MSI1: variants seen among roughly 807,000 people sequenced by gnomAD.
The protein encoded by MSI1 is musashi RNA binding protein 1.
A neutral mutation model predicts 54.4 loss-of-function variants in MSI1; 15 were observed. That is an observed-to-expected ratio of 0.28 (90% CI 0.18 to 0.42). MSI1 has a LOEUF of 0.42. Ranked by LOEUF, MSI1 falls within the 20% of genes least tolerant of loss-of-function variation. The pLI is 1.00. For synonymous variants in MSI1, 200 were observed against 196.5 expected (o/e 1.02, Z -0.15); for missense variants, 304 against 506.0 (o/e 0.60, Z 3.83).
At chr12:120,363,482 A>AC (rs1021073578) in intron 5 of MSI1, among the ~76,000 whole-genome samples, 18 of 151,268 alleles carry the variant, frequency 1.2e-4, no homozygotes, top group African/African-American at 1.7e-4. Context: ...CTCCTGGGAG[A>AC]CCCCCCAAGG....
At chr12:120,348,114 T>C (rs1358831635) in intron 11 of MSI1, among the ~76,000 whole-genome samples, 1 of 133,616 alleles carries the variant, frequency 7.5e-6, no homozygotes, top group Non-Finnish European at 1.6e-5. Context: ...CCTAAGGGCC[T>C]CCCTGACCAC....
At chr12:120,355,703 G>A (rs1270637739) in intron 9 of MSI1, among the ~76,000 whole-genome samples, 2 of 152,176 alleles carry the variant, frequency 1.3e-5, no homozygotes, top group African/African-American at 4.8e-5. Context: ...TGATAACAGG[G>A]TATATGGATG....
chr12:120,347,481 G>A lies in MSI1; in HGVS notation c.824C>T (p.Ala275Val), dbSNP rs775588129. Residue 275 changes from alanine to valine, a missense_variant, in exon 12 of 15, where the codon GCG becomes GTG. Around this residue, in one of 4 missense-constraint regions of MSI1, gnomAD observed 147 missense variants for 231.5 expected, o/e 0.64. Coordinates refer to ENST00000257552, the MANE Select transcript of MSI1 (RefSeq NM_002442.4). ...AACCACAGCCGCTGCCGCCGCTGCCGCCGCCATTGGTCCGTAGGCAGTGAG... is the reference window on the plus strand; with the variant it reads ...AACCACAGCCGCTGCCGCCGCTGCCACCGCCATTGGTCCGTAGGCAGTGAG... ...IPLTAYGPMA[A>V]AAAAAAVVRG... is the part of the protein sequence containing the mutation. The A allele has an allele frequency of 1.8e-5, 29 of 1,613,988 alleles. No individual in the cohort carries two copies. The highest frequency in any genetic ancestry group is 4.4e-5 in the South Asian group (4 of 91,092).
chr12:120,354,402 G>A (rs1326340755), intron 9 of MSI1, among the ~76,000 whole-genome samples: 2 of 151,464 alleles, frequency 1.3e-5, no homozygotes, highest in Non-Finnish European at 2.9e-5. Flanking sequence ...CTTAACCACC[G>A]ATCTCACTAT....
Position 120,368,822 on chromosome 12 carries a change from G to A in MSI1, c.100+11C>T. The A allele has an allele frequency of 7.0e-7, 1 of 1,422,360 alleles. No individual in the cohort carries two copies. 88.1% of individuals were successfully genotyped at this position (1,422,360 alleles called of 1,614,324 possible). ...CCTGCCGGACCGGCGGGCGCTCCCG[G>A]GCTCGCTCACCCTGCGTAGTCTGCC... On this transcript the variant is annotated intron_variant, in intron 2 of 14. Transcript: ENST00000257552. This position sits in a 1 kb window ranked among gnomAD's most constrained non-coding sequence, Gnocchi z 6.6.
At position 120,368,286 on chromosome 12, in the gene MSI1, A is replaced by AC. The variant is rs1215756932; in HGVS notation, c.101-14dup. Reference sequence around the variant, plus strand: ...TCGCGCAGCCCTTCTGTAACCACACACCCGCCTTCGGACCAGCCCGGGCCC... The same window carrying AC: ...TCGCGCAGCCCTTCTGTAACCACACACCCCGCCTTCGGACCAGCCCGGGCCC... On this transcript the variant is annotated splice_polypyrimidine_tract_variant and intron_variant, in intron 2 of 14. Transcript: ENST00000257552. The surrounding 1 kb of genome is among the most constrained non-coding windows in gnomAD (Gnocchi z 6.6). 5.8e-6 allele frequency: 9 copies of AC among 1,550,312 alleles called. No individual in the cohort carries two copies. Among genetic ancestry groups the AC allele is most frequent in the Non-Finnish European group, 7.8e-6 (9 of 1,147,476 alleles).
At chr12:120,339,786 T>C (rs976911576), downstream of MSI1, among the ~76,000 whole-genome samples, 1 of 141,158 alleles carries the variant, frequency 7.1e-6, no homozygotes, top group African/African-American at 2.7e-5. Context: ...AAAGTAATTC[T>C]TTTTTTTTTT....
intron 4 of MSI1, among the ~76,000 whole-genome samples, chr12:120,365,820 G>A (rs1461135300): frequency 1.3e-5 from 2 of 152,184 alleles, no homozygotes; most frequent in Admixed American, 1.3e-4. Context: ...TAATGCACTC[G>A]AACTCTGTGA....
intron 7 of MSI1, among the ~76,000 whole-genome samples, chr12:120,358,562 A>C (rs1253347321): frequency 1.3e-5 from 2 of 152,210 alleles, no homozygotes; most frequent in East Asian, 3.8e-4. Flanking sequence ...AAAAACAGCC[A>C]GGTGGCGCAC....
At chr12:120,351,794 C>T (rs537942699) in intron 10 of MSI1, among the ~76,000 whole-genome samples, 7 of 150,470 alleles carry the variant, frequency 4.7e-5, no homozygotes, top group East Asian at 2.0e-4. Context: ...CTGCAAGCTC[C>T]GCCTTCCGGG....
chr12:120,349,254 C>T (rs1198922917), intron 11 of MSI1, among the ~76,000 whole-genome samples: 1 of 151,984 alleles, frequency 6.6e-6, no homozygotes, highest in Non-Finnish European at 1.5e-5. Context: ...CACCATCATG[C>T]CTGGCTAATT....
chr12:120,347,071 T>G (rs1214582526), intron 12 of MSI1, among the ~76,000 whole-genome samples: 1 of 152,124 alleles, frequency 6.6e-6, no homozygotes, highest in Non-Finnish European at 1.5e-5. Flanking sequence ...TGCCTTGGCC[T>G]CCCGAGTAGC....
intron 6 of MSI1, among the ~76,000 whole-genome samples, chr12:120,360,351 G>T (rs1386109420): frequency 6.6e-6 from 1 of 152,168 alleles, no homozygotes; most frequent in Non-Finnish European, 1.5e-5. Flanking sequence ...TGATCCTCCA[G>T]CTCTCCTTAG....
At chr12:120,349,451 C>T (rs1159779913) in intron 11 of MSI1, among the ~76,000 whole-genome samples, 1 of 152,116 alleles carries the variant, frequency 6.6e-6, no homozygotes, top group Non-Finnish European at 1.5e-5. Context: ...CCAAGCTGGT[C>T]TTGAACTCCT....
rs1425654002 is a variant in MSI1, at chr12:120,346,210, G to A, written c.972C>T (p.Asn324=). 1.3e-6 allele frequency: 2 copies of A among 1,599,974 alleles called. No individual in the cohort carries two copies. The highest frequency in any genetic ancestry group is 2.3e-5 in the South Asian group (2 of 88,398). The change falls in exon 13 of 15, where the codon AAC becomes AAT. Residue 324 remains asparagine (N), a synonymous_variant. Transcript: ENST00000257552. ...TGTAACTGCTGACCCCCGAGTCCTG[G>A]TTGGCCGCCCCGTAGAGCTCGGCCA... The part of the protein sequence containing the change: ...GPMAELYGAA[N]QDSGVSSYIS...
rs1876134576 is a variant in MSI1, at chr12:120,368,148, G to A, written c.182+44C>T. 3 of 1,582,718 alleles carry A rather than the reference G, an allele frequency of 1.9e-6. No homozygotes were observed. The highest frequency in any genetic ancestry group is 2.6e-6 in the Non-Finnish European group (3 of 1,164,340). ...GTTACAAGGCAGTGAGTGGCGGGTGGAGGGGGGCGAGCCGGGAGCAGGAGG... is the reference window on the plus strand; with the variant it reads ...GTTACAAGGCAGTGAGTGGCGGGTGAAGGGGGGCGAGCCGGGAGCAGGAGG... On this transcript the variant is annotated intron_variant, in intron 3 of 14. Coordinates refer to ENST00000257552, the MANE Select transcript of MSI1 (RefSeq NM_002442.4). This position sits in a 1 kb window ranked among gnomAD's most constrained non-coding sequence, Gnocchi z 6.6.
chr12:120,346,276 G>A lies in MSI1; in HGVS notation c.906C>T (p.Ser302=), dbSNP rs1874114402. The A allele has an allele frequency of 1.9e-6, 3 of 1,587,096 alleles. No homozygotes were observed. Among genetic ancestry groups the A allele is most frequent in the Non-Finnish European group, 1.7e-6 (2 of 1,167,932 alleles). ...TMAPPPGSTP[S]RTGGFLGTTS... ...TGGTCCCCAGGAAGCCCCCTGTGCGGCTGGGAGTCGAACCTGGAGGGGGAG... is the reference window on the plus strand; with the variant it reads ...TGGTCCCCAGGAAGCCCCCTGTGCGACTGGGAGTCGAACCTGGAGGGGGAG... Residue 302 remains serine (S), a synonymous_variant, in exon 13 of 15, where the codon AGC becomes AGT. Transcript: ENST00000257552.
intron 10 of MSI1, 54 bp from the exon 11 acceptor site, chr12:120,351,454 T>C (rs944442435): frequency 1.0e-5 from 16 of 1,561,550 alleles, no homozygotes; most frequent in Non-Finnish European, 1.2e-5. Flanking sequence ...CCCTTGGACA[T>C]GGCCCAGGGA....
intron 4 of MSI1, among the ~76,000 whole-genome samples, chr12:120,365,924 CG>C (rs1875988449): frequency 6.6e-6 from 1 of 152,306 alleles, no homozygotes; most frequent in African/African-American, 2.4e-5. Context: ...CGGGTGAAAG[CG>C]GCCCTTTGTG....
Sources: allele counts gnomAD v4.1 joint callset (sites outside exome capture counted in the v4.1 genomes callset), GRCh38; gene constraint gnomAD v4.1.1; regional missense constraint gnomAD v4.1.1; non-coding constraint Gnocchi (gnomAD v3.1); transcripts MANE v1.5; gene names NCBI Gene and HGNC (gene_info 2026-07-23, HGNC 2026-07-21).